Variants in KIAA1217 observed in about 807,000 individuals in gnomAD.
The protein encoded by KIAA1217 is KIAA1217, also known as sickle tail protein homolog.
Under a neutral mutation model 163.9 loss-of-function variants are expected in KIAA1217, and 88 were observed. The observed-to-expected ratio is 0.54, with a 90% CI of 0.45 to 0.64. The LOEUF (loss-of-function observed/expected upper bound fraction) is 0.64. Among genes scored for constraint, KIAA1217 ranks in the 30% least tolerant of loss-of-function variants. KIAA1217 has a pLI of 0.00. For missense variants in KIAA1217, 2,372 were observed against 2,475.0 expected (o/e 0.96, Z 0.88); for synonymous variants, 903 against 923.1 (o/e 0.98, Z 0.39).
chr10:24,520,398 AC>A (rs1021042544), intron 11 of KIAA1217, 145 bp downstream of exon 11: 1 of 1,093,954 alleles, frequency 9.1e-7, no homozygotes, highest in Non-Finnish European at 1.3e-6. Context: ...CACTTGGGAT[AC>A]CCCACAGCAC....
chr10:23,968,818 A>G (rs1473513157), intron 1 of KIAA1217, among the ~76,000 whole-genome samples: 1 of 152,086 alleles, frequency 6.6e-6, no homozygotes, highest in East Asian at 1.9e-4. Flanking sequence ...ATTCCTTTTT[A>G]TTGCCAAACA....
intron 2 of KIAA1217, among the ~76,000 whole-genome samples, chr10:24,164,411 A>T (rs1427592648): frequency 6.6e-6 from 1 of 152,180 alleles, no homozygotes; most frequent in Non-Finnish European, 1.5e-5. Flanking sequence ...ATCTAAAATC[A>T]TCTACTGGTG....
intron 3 of KIAA1217, among the ~76,000 whole-genome samples, chr10:24,419,172 C>CAA (rs71397949): frequency 0.017 from 1,443 of 82,536 alleles, 36 homozygotes; most frequent in African/African-American, 0.064. Flanking sequence ...GACTCGTCTC[C>CAA]AAAAAAAAAA....
rs1051823257 is a variant in KIAA1217 at position 24,345,663 on chromosome 10, C to A, written c.355-35206C>A. On this transcript the variant is annotated intron_variant, in intron 2 of 20. Transcript: ENST00000376454. ...AAATAAGAAGCTTAGAATAATTTGCCATTTGAACTTTCCTTATATAGTTAG... is the reference window on the plus strand; with the variant it reads ...AAATAAGAAGCTTAGAATAATTTGCAATTTGAACTTTCCTTATATAGTTAG... Among the ~76,000 whole-genome samples the A allele has an allele frequency of 2.8e-4, 43 of 152,244 alleles. 1 individual carries two copies. Among genetic ancestry groups the A allele is most frequent in the African/African-American group, 9.4e-4 (39 of 41,548 alleles).
chr10:24,451,367 G>C (rs1267328425), intron 5 of KIAA1217, among the ~76,000 whole-genome samples: 1 of 152,228 alleles, frequency 6.6e-6, no homozygotes, highest in Non-Finnish European at 1.5e-5. Context: ...AAGGTGGAGG[G>C]TTCTGAAGTT....
At chr10:23,720,429 A>G (rs1837814367) in intron 1 of KIAA1217, among the ~76,000 whole-genome samples, 1 of 152,228 alleles carries the variant, frequency 6.6e-6, no homozygotes. Context: ...AAAACTGATT[A>G]TAGGTAGTAT....
intron 2 of KIAA1217, among the ~76,000 whole-genome samples, chr10:24,235,448 C>G (rs1017080822): frequency 6.6e-6 from 1 of 152,200 alleles, no homozygotes; most frequent in Non-Finnish European, 1.5e-5. Context: ...GCATTCTTAT[C>G]TTTTGGTGAT....
chr10:24,039,812 A>AGATATG (rs200155408), intron 2 of KIAA1217, among the ~76,000 whole-genome samples: 2,042 of 68,550 alleles, frequency 0.03, 23 homozygotes, highest in Middle Eastern at 0.16. Flanking sequence ...ATATAGATAT[A>AGATATG]GATATAGATA....
intron 1 of KIAA1217, among the ~76,000 whole-genome samples, chr10:23,827,362 G>A (rs1837943939): frequency 6.6e-6 from 1 of 152,158 alleles, no homozygotes; most frequent in African/African-American, 2.4e-5. Flanking sequence ...AGGTACCTTT[G>A]TTTCCATTGA....
chr10:24,470,221 G>A (rs1592196692), intron 5 of KIAA1217, among the ~76,000 whole-genome samples: 2 of 152,326 alleles, frequency 1.3e-5, no homozygotes, highest in East Asian at 3.9e-4. Flanking sequence ...GCCCTGAATT[G>A]TGAAGGCAGA....
chr10:23,713,094 G>A (rs936900692), intron 1 of KIAA1217, among the ~76,000 whole-genome samples: 1 of 152,122 alleles, frequency 6.6e-6, no homozygotes, highest in Non-Finnish European at 1.5e-5. Flanking sequence ...GGAGGAGTAT[G>A]TTGTAGATGA....
At chr10:23,973,136 A>G (rs1281950425) in intron 1 of KIAA1217, among the ~76,000 whole-genome samples, 1 of 152,090 alleles carries the variant, frequency 6.6e-6, no homozygotes, top group Non-Finnish European at 1.5e-5. Flanking sequence ...TCACTTCAAA[A>G]TTGTGATATC....
intron 2 of KIAA1217, among the ~76,000 whole-genome samples, chr10:24,374,846 G>C (rs2052237906): frequency 6.6e-6 from 1 of 152,112 alleles, no homozygotes; most frequent in Admixed American, 6.5e-5. Context: ...ATGTGCAGTG[G>C]TGTCACCCTA....
intron 2 of KIAA1217, among the ~76,000 whole-genome samples, chr10:24,182,880 A>G (rs901131415): frequency 1.3e-5 from 2 of 152,198 alleles, no homozygotes; most frequent in Non-Finnish European, 2.9e-5. Flanking sequence ...GCAAGGGGCT[A>G]TGGTTTCAAC....
chr10:24,249,342 G>A (rs1564340914), intron 2 of KIAA1217, among the ~76,000 whole-genome samples: 1 of 152,170 alleles, frequency 6.6e-6, no homozygotes, highest in Non-Finnish European at 1.5e-5. Flanking sequence ...CTACTTAGGG[G>A]AAAGGGGGTA....
At chr10:24,254,315 G>A (rs2074895784) in intron 2 of KIAA1217, among the ~76,000 whole-genome samples, 1 of 152,218 alleles carries the variant, frequency 6.6e-6, no homozygotes, top group African/African-American at 2.4e-5. Flanking sequence ...TTACAGATGA[G>A]AAAACAGCCT....
At chr10:24,371,907 TAAAG>T (rs60042392) in intron 2 of KIAA1217, among the ~76,000 whole-genome samples, 18,632 of 152,086 alleles carry the variant, frequency 0.12, 1,281 homozygotes, top group South Asian at 0.29. Flanking sequence ...TTTGGAGAAA[TAAAG>T]AAAGTGTGTC....
chr10:24,221,641 C>G (rs1847214626), intron 2 of KIAA1217, among the ~76,000 whole-genome samples: 1 of 152,120 alleles, frequency 6.6e-6, no homozygotes, highest in African/African-American at 2.4e-5. Context: ...TTCATGTTTG[C>G]TTTTTGTTCA....
chr10:24,215,980 A>G (rs2130779250), intron 1 of KIAA1217, among the ~76,000 whole-genome samples: 1 of 152,334 alleles, frequency 6.6e-6, no homozygotes, highest in African/African-American at 2.4e-5. Flanking sequence ...CTAGTGGTTG[A>G]TGCTTTTTGT....
Sources: gnomAD v4.1 joint callset for allele counts (sites outside exome capture counted in the v4.1 genomes callset) on GRCh38, gnomAD v4.1.1 for gene constraint, MANE v1.5 for transcripts, NCBI Gene and HGNC (gene_info 2026-07-23, HGNC 2026-07-21) for gene names.